Variants in PTPRS observed in about 807,000 individuals in gnomAD.
PTPRS encodes protein tyrosine phosphatase receptor type S.
In PTPRS, 63 loss-of-function variants were observed where a neutral mutation model predicts 215.3. The observed-to-expected ratio is 0.29, with a 90% CI of 0.24 to 0.36. The LOEUF (loss-of-function observed/expected upper bound fraction) is 0.36. PTPRS is among the 10% of genes least tolerant of loss of function. The pLI is 1.00. For missense variants in PTPRS, 2,258 were observed against 2,825.8 expected, an observed-to-expected ratio of 0.80 and a Z score of 4.56; for synonymous variants, 1,404 against 1,191.4, an observed-to-expected ratio of 1.18 and a Z score of -3.68.
intron 32 of PTPRS, 29 bp downstream of exon 32, chr19:5,211,936 G>A (rs372074197): frequency 8.4e-5 from 131 of 1,552,902 alleles, no homozygotes; most frequent in Non-Finnish European, 1.0e-4. Context: ...TCCCCACCCC[G>A]CCCACAGCAG....
intron 1 of PTPRS, among the ~76,000 whole-genome samples, chr19:5,286,962 G>A (rs1157755786): frequency 1.3e-5 from 2 of 152,164 alleles, no homozygotes; most frequent in Non-Finnish European, 2.9e-5. Flanking sequence ...GGGGACTCCA[G>A]ACTATGCTGC....
chr19:5,303,300 A>T (rs182258215), intron 1 of PTPRS, among the ~76,000 whole-genome samples: 1 of 152,190 alleles, frequency 6.6e-6, no homozygotes, highest in Admixed American at 6.5e-5. Context: ...CGAGGCACAA[A>T]CCAGGGAGGT....
chr19:5,279,614 T>C (rs993480393), intron 2 of PTPRS, among the ~76,000 whole-genome samples: 1 of 152,102 alleles, frequency 6.6e-6, no homozygotes, highest in African/African-American at 2.4e-5. Flanking sequence ...CAAGTGAACC[T>C]CCCATCTCGG....
intron 1 of PTPRS, among the ~76,000 whole-genome samples, chr19:5,333,394 C>T (rs1437970261): frequency 1.3e-5 from 2 of 151,814 alleles, no homozygotes; most frequent in Admixed American, 1.3e-4. Flanking sequence ...TAGTCCCCAG[C>T]TACTTGGGAG....
rs371300312 is a variant in PTPRS, at chr19:5,222,234, G to A, written c.3104-14C>T. 84 of 1,603,216 alleles carry A rather than the reference G, an allele frequency of 5.2e-5. No individual in the cohort carries two copies. The highest frequency in any genetic ancestry group is 1.7e-4 in the South Asian group (15 of 90,894). ...TCTTGGGCGAGACTGCCGGGGAGGC[G>A]GCCGAGCAGGGAGAGAGCAGAAGAG... On this transcript the variant is annotated splice_polypyrimidine_tract_variant and intron_variant, in intron 18 of 37. Coordinates refer to ENST00000262963, the MANE Select transcript of PTPRS (RefSeq NM_002850.4).
intron 1 of PTPRS, among the ~76,000 whole-genome samples, chr19:5,305,767 T>TATA (rs1450959995): frequency 0.035 from 3,095 of 89,594 alleles, 68 homozygotes; most frequent in Middle Eastern, 0.089. Context: ...ATATATATAT[T>TATA]TTTTTTTTAA....
intron 1 of PTPRS, among the ~76,000 whole-genome samples, chr19:5,324,396 G>A (rs2050116363): frequency 6.6e-6 from 1 of 152,256 alleles, no homozygotes; most frequent in South Asian, 2.1e-4. Flanking sequence ...GCTTCCCCTG[G>A]CAGGACCCAG....
At chr19:5,262,349 C>A (rs2046064638) in intron 6 of PTPRS, among the ~76,000 whole-genome samples, 1 of 152,166 alleles carries the variant, frequency 6.6e-6, no homozygotes, top group African/African-American at 2.4e-5. Context: ...TATCCCTTAG[C>A]CATTAAAAGG....
intron 1 of PTPRS, among the ~76,000 whole-genome samples, chr19:5,330,518 C>T (rs1460640837): frequency 6.6e-6 from 1 of 152,210 alleles, no homozygotes; most frequent in Non-Finnish European, 1.5e-5. Context: ...CTCATCACCC[C>T]TAACGGTTCA....
intron 4 of PTPRS, among the ~76,000 whole-genome samples, chr19:5,268,668 C>T (rs1268410519): frequency 3.3e-5 from 5 of 152,152 alleles, no homozygotes; most frequent in Non-Finnish European, 1.5e-5. Flanking sequence ...AGTGGAAAGC[C>T]CTGAGCACTA....
Position 5,218,366 on chromosome 19 carries a change from C to T in PTPRS, c.4048+54G>A, listed in dbSNP as rs547431303. 55 of 1,533,928 alleles carry T rather than the reference C, an allele frequency of 3.6e-5. No individual in the cohort carries two copies. The Admixed American group carries it at 4.1e-4, about 11-fold the overall frequency. ...CCCCAGGGTGGCAGCTACTGCTTCT[C>T]CCCAGCTATCTCCCCTGTTGGTGGC... On this transcript the variant is annotated intron_variant, in intron 25 of 37. Coordinates refer to ENST00000262963, the MANE Select transcript of PTPRS (RefSeq NM_002850.4).
rs1037153754 is a variant in PTPRS, at chr19:5,205,713, C to G, written c.*1061G>C. ...TTGCTCCCAAACTGCCCCACAGTCC[C>G]AGGGGGAAAGGGTCCCTGATGTGGG... On this transcript the variant is annotated 3_prime_UTR_variant, in exon 38 of 38. Transcript: ENST00000262963. Among the ~76,000 whole-genome samples, 8 of 152,212 alleles carry G rather than the reference C, an allele frequency of 5.3e-5. No individual in the cohort carries two copies. Among genetic ancestry groups the G allele is most frequent in the East Asian group, 1.9e-4 (1 of 5,154 alleles).
At chr19:5,227,222 T>C (rs2042578569) in intron 16 of PTPRS, among the ~76,000 whole-genome samples, 1 of 151,990 alleles carries the variant, frequency 6.6e-6, no homozygotes, top group South Asian at 2.1e-4. Flanking sequence ...CTAATGATGT[T>C]TATATTTTTT....
chr19:5,332,092 G>C lies in PTPRS; in HGVS notation c.-95+8572C>G, dbSNP rs538695817. The stretch of plus-strand genomic sequence containing the variant: ...GCCCTGGATTTCTGTACTGTGCCAT[G>C]TTAAGATGTTTCAACCCAAGGATGT... On this transcript the variant is annotated intron_variant, in intron 1 of 37. Coordinates refer to ENST00000262963, the MANE Select transcript of PTPRS (RefSeq NM_002850.4). Among the ~76,000 whole-genome samples, 3 of 151,924 alleles carry C rather than the reference G, an allele frequency of 2.0e-5. No individual in the cohort carries two copies. The South Asian group carries it at 6.2e-4, about 32-fold the overall frequency.
At chr19:5,297,063 G>A (rs2049158054) in intron 1 of PTPRS, among the ~76,000 whole-genome samples, 1 of 149,148 alleles carries the variant, frequency 6.7e-6, no homozygotes, top group South Asian at 2.1e-4. Context: ...AAGGTTAAGG[G>A]TGGCCACCTC....
At chr19:5,225,544 C>CGG (rs35664173) in intron 17 of PTPRS, among the ~76,000 whole-genome samples, 183 bp downstream of exon 17, 43 of 128,810 alleles carry the variant, frequency 3.3e-4, no homozygotes, top group African/African-American at 6.1e-4. Context: ...GAGGCAGGGG[C>CGG]GGGGGGGGCC....
At chr19:5,240,080 G>A in intron 12 of PTPRS, 119 bp downstream of exon 12, 3 of 1,209,276 alleles carry the variant, frequency 2.5e-6, no homozygotes, top group Non-Finnish European at 3.3e-6. Context: ...GAAGGGGTGA[G>A]GAAGAGCAGA....
At chr19:5,211,443 A>G in intron 33 of PTPRS, 147 bp downstream of exon 33, 1 of 729,830 alleles carries the variant, frequency 1.4e-6, no homozygotes, top group South Asian at 2.4e-5. Flanking sequence ...AGCAGCCATC[A>G]GTTAAATATA....
At chr19:5,228,532 A>C (rs145984158) in intron 16 of PTPRS, among the ~76,000 whole-genome samples, 1 of 151,810 alleles carries the variant, frequency 6.6e-6, no homozygotes, top group Admixed American at 6.6e-5. Flanking sequence ...TTAGTAGAGA[A>C]GGGGTTTTGC....
Sources: allele counts gnomAD v4.1 joint callset (sites outside exome capture counted in the v4.1 genomes callset), GRCh38; gene constraint gnomAD v4.1.1; transcripts MANE v1.5; gene names NCBI Gene and HGNC (gene_info 2026-07-23, HGNC 2026-07-21).